SLC4A4: variants seen among roughly 807,000 people sequenced by gnomAD.
SLC4A4 encodes the protein electrogenic sodium bicarbonate cotransporter 1.
Under a neutral mutation model 111.5 loss-of-function variants are expected in SLC4A4, and 27 were observed. The observed-to-expected ratio is 0.24, with a 90% CI of 0.18 to 0.33. The LOEUF is 0.33. SLC4A4 is among the 10% of genes least tolerant of loss of function. The pLI, the probability that SLC4A4 is intolerant of heterozygous loss-of-function variation, is 1.00. For missense variants in SLC4A4, 909 were observed against 1,315.5 expected (o/e 0.69, Z 4.78); for synonymous variants, 443 against 463.4 (o/e 0.96, Z 0.57).
Position 71,507,055 on chromosome 4 carries a change from G to A in SLC4A4, c.2166+9363G>A, listed in dbSNP as rs184024398. ...AGACAAGCAAATGCTGAGGAAATTC[G>A]TCATGACCAGACCTGCTTTACAAGA... On this transcript the variant is annotated intron_variant, in intron 16 of 25. Transcript: ENST00000264485. 3.9e-4 allele frequency among the ~76,000 whole-genome samples: 59 copies of A among 152,210 alleles called. 1 individual carries two copies. In the South Asian group the frequency reaches 6.2e-3, roughly 16 times the overall value.
chr4:71,473,434 G>A, intron 14 of SLC4A4: 1 of 244,520 alleles, frequency 4.1e-6, no homozygotes, highest in Non-Finnish European at 7.8e-6. Flanking sequence ...ATAATTTAAA[G>A]AATTAAATTA....
In SLC4A4 at chr4:71,160,463, C is replaced by A. The variant is rs868585634; in HGVS notation, c.-2+67671C>A. ...TACATTGAGCTATTCTCATGTGGAA[C>A]GCTTTCATTTCTATAGCAGTTTAGT... On this transcript the variant is annotated intron_variant, in intron 2 of 26. Coordinates refer to the SLC4A4 transcript ENST00000649996. Among the ~76,000 whole-genome samples, 26 of 151,832 alleles carry A rather than the reference C, an allele frequency of 1.7e-4. 1 individual carries two copies. The highest frequency in any genetic ancestry group is 5.6e-4 in the African/African-American group (23 of 41,326).
intron 3 of SLC4A4, among the ~76,000 whole-genome samples, chr4:71,312,088 A>C (rs1293586209): frequency 2.0e-5 from 3 of 152,228 alleles, no homozygotes; most frequent in African/African-American, 7.2e-5. Context: ...GATAAAGGGG[A>C]TATCACCACT....
chr4:71,166,723 A>G (rs900016093), intron 2 of SLC4A4, among the ~76,000 whole-genome samples: 6 of 152,190 alleles, frequency 3.9e-5, no homozygotes, highest in South Asian at 2.1e-4. Context: ...AATTTTTCCA[A>G]GAAGAATTAA....
At chr4:71,267,977 T>G (rs1040749837) in intron 3 of SLC4A4, among the ~76,000 whole-genome samples, 2 of 151,902 alleles carry the variant, frequency 1.3e-5, no homozygotes, top group African/African-American at 2.4e-5. Flanking sequence ...TTTCTCAACA[T>G]TGTTTATCTG....
chr4:71,318,419 C>T (rs1726864702), intron 3 of SLC4A4, among the ~76,000 whole-genome samples: 1 of 151,970 alleles, frequency 6.6e-6, no homozygotes, highest in African/African-American at 2.4e-5. Flanking sequence ...TTGCAGTTGA[C>T]ATTTTTGAAA....
rs549017391 is a variant in SLC4A4, at chr4:71,181,969, G to T, written c.-1-54607G>T. ...ACAGAAGGATAACAGGTGTAAATTG[G>T]CAATGTGACCTGGGATAGTTGGACA... On this transcript the variant is annotated intron_variant, in intron 2 of 26. Coordinates refer to the SLC4A4 transcript ENST00000649996. Among the ~76,000 whole-genome samples the T allele has an allele frequency of 1.1e-3, 166 of 152,264 alleles. 2 individuals carry two copies. The Middle Eastern group carries it at 0.014, about 12-fold the overall frequency.
chr4:71,566,061 C>T (rs1737443622), intron 24 of SLC4A4, among the ~76,000 whole-genome samples: 1 of 151,808 alleles, frequency 6.6e-6, no homozygotes, highest in African/African-American at 2.4e-5. Flanking sequence ...GTCATAAATA[C>T]CAGGAGACAG....
intron 20 of SLC4A4, among the ~76,000 whole-genome samples, chr4:71,554,038 ATT>A (rs1242369228): frequency 2.0e-5 from 3 of 151,910 alleles, no homozygotes; most frequent in Admixed American, 1.3e-4. Flanking sequence ...AATTGGAAAT[ATT>A]TGTTACACAT....
intron 22 of SLC4A4, among the ~76,000 whole-genome samples, chr4:71,559,748 T>G (rs1379697596): frequency 6.6e-6 from 1 of 151,846 alleles, no homozygotes; most frequent in African/African-American, 2.4e-5. Context: ...TGCCAGCTAT[T>G]TTTTTACTTT....
intron 1 of SLC4A4, among the ~76,000 whole-genome samples, chr4:71,192,038 A>G (rs996689846): frequency 6.6e-5 from 10 of 152,196 alleles, no homozygotes; most frequent in Non-Finnish European, 1.0e-4. Flanking sequence ...GTAATATTCT[A>G]TGGGTGACAC....
chr4:71,547,806 T>C (rs1307478473), intron 20 of SLC4A4, 86 bp downstream of exon 20: 1 of 1,140,494 alleles, frequency 8.8e-7, no homozygotes, highest in Non-Finnish European at 1.3e-6. Context: ...TCATGAGATA[T>C]TTGCGAGATT....
chr4:71,150,324 G>T (rs1744281225), intron 2 of SLC4A4, among the ~76,000 whole-genome samples: 1 of 152,066 alleles, frequency 6.6e-6, no homozygotes, highest in South Asian at 2.1e-4. Flanking sequence ...AGAGCCATAT[G>T]TTAAGATGTG....
chr4:71,191,238 G>A (rs964259824), intron 1 of SLC4A4, among the ~76,000 whole-genome samples: 8 of 152,300 alleles, frequency 5.3e-5, no homozygotes, highest in South Asian at 4.1e-4. Context: ...ATAACCCACC[G>A]TACATTTAGG....
At chr4:71,478,298 C>T (rs1028294551) in intron 14 of SLC4A4, among the ~76,000 whole-genome samples, 4 of 151,600 alleles carry the variant, frequency 2.6e-5, no homozygotes, top group African/African-American at 9.7e-5. Context: ...TCTGTAAGGA[C>T]ACATGCATAA....
chr4:71,147,318 C>G (rs80102905), intron 2 of SLC4A4, among the ~76,000 whole-genome samples: 4,432 of 152,100 alleles, frequency 0.029, 227 homozygotes, highest in African/African-American at 0.1. Context: ...TGCCTTTTCT[C>G]TCTTCCCCTG....
intron 2 of SLC4A4, among the ~76,000 whole-genome samples, chr4:71,115,116 C>T (rs1334185718): frequency 2.0e-5 from 3 of 148,544 alleles, no homozygotes; most frequent in African/African-American, 5.0e-5. Flanking sequence ...TATTCTCCCT[C>T]ATAGGTGGGA....
intron 1 of SLC4A4, among the ~76,000 whole-genome samples, chr4:71,068,284 C>T (rs113967757): frequency 1.3e-5 from 2 of 152,042 alleles, no homozygotes; most frequent in African/African-American, 4.8e-5. Flanking sequence ...AGGCTGGTCT[C>T]GAACTCCTGA....
intron 3 of SLC4A4, among the ~76,000 whole-genome samples, chr4:71,317,510 AG>A (rs1209734547): frequency 1.3e-5 from 2 of 152,150 alleles, no homozygotes; most frequent in African/African-American, 4.8e-5. Flanking sequence ...GTGTAGGAAA[AG>A]TTTAATACTC....
Sources: allele counts gnomAD v4.1 joint callset (sites outside exome capture counted in the v4.1 genomes callset), GRCh38; gene constraint gnomAD v4.1.1; transcripts MANE v1.5; gene names NCBI Gene and HGNC (gene_info 2026-07-23, HGNC 2026-07-21).